The following RUNDC3B variants were observed in gnomAD, a reference collection of about 807,000 sequenced individuals.
The protein encoded by RUNDC3B is RUN domain containing 3B, also known as RUN domain-containing protein 3B.
In RUNDC3B, 33 loss-of-function variants were observed where a neutral mutation model predicts 58.4. That is an observed-to-expected ratio of 0.56 (90% CI 0.43 to 0.75). The LOEUF is 0.75. Ranked by LOEUF, RUNDC3B falls within the 30% of genes least tolerant of loss-of-function variation. RUNDC3B has a pLI of 0.00. For synonymous variants in RUNDC3B, 193 were observed against 195.2 expected (o/e 0.99, Z 0.10); for missense variants, 501 against 535.7 (o/e 0.94, Z 0.64).
intron 8 of RUNDC3B, among the ~76,000 whole-genome samples, chr7:87,791,511 G>T (rs572919213): frequency 6.6e-6 from 1 of 152,046 alleles, no homozygotes; most frequent in South Asian, 2.1e-4. Context: ...ATAACTACAA[G>T]AATTTTTCAA....
At chr7:87,757,168 T>A (rs1358961365) in intron 6 of RUNDC3B, among the ~76,000 whole-genome samples, 1 of 152,138 alleles carries the variant, frequency 6.6e-6, no homozygotes, top group Non-Finnish European at 1.5e-5. Context: ...TCCTGAGACA[T>A]AGTTACTGTA....
At chr7:87,669,431 T>C (rs753720808) in intron 2 of RUNDC3B, among the ~76,000 whole-genome samples, 3 of 152,192 alleles carry the variant, frequency 2.0e-5, no homozygotes, top group Non-Finnish European at 4.4e-5. Flanking sequence ...TTTATCCAGC[T>C]TCTCACTGTG....
At chr7:87,808,876 T>C (rs930334245) in intron 9 of RUNDC3B, among the ~76,000 whole-genome samples, 4 of 152,146 alleles carry the variant, frequency 2.6e-5, no homozygotes, top group African/African-American at 9.6e-5. Context: ...CTTATCTATA[T>C]ATGACACATA....
At chr7:87,801,401 A>G (rs187529941) in intron 8 of RUNDC3B, among the ~76,000 whole-genome samples, 277 of 152,306 alleles carry the variant, frequency 1.8e-3, no homozygotes, top group African/African-American at 6.5e-3. Context: ...TTTTTCTGGG[A>G]AAACTGAAAT....
chr7:87,812,918 T>G (rs1190228795), intron 9 of RUNDC3B, among the ~76,000 whole-genome samples: 1 of 152,208 alleles, frequency 6.6e-6, no homozygotes, highest in East Asian at 1.9e-4. Context: ...GACTACAAAA[T>G]GTTTGTCAGA....
chr7:87,769,750 A>G (rs946601511), intron 6 of RUNDC3B, among the ~76,000 whole-genome samples: 1 of 151,980 alleles, frequency 6.6e-6, no homozygotes, highest in African/African-American at 2.4e-5. Flanking sequence ...CCCATTATCT[A>G]GGTTTTAAGC....
intron 2 of RUNDC3B, among the ~76,000 whole-genome samples, chr7:87,668,982 G>A (rs2130504240): frequency 6.6e-6 from 1 of 152,082 alleles, no homozygotes; most frequent in African/African-American, 2.4e-5. Context: ...CTATAGAGGT[G>A]TATCCGAGCC....
chr7:87,823,102 C>A (rs1324784473), intron 10 of RUNDC3B, among the ~76,000 whole-genome samples: 1 of 152,026 alleles, frequency 6.6e-6, no homozygotes, highest in South Asian at 2.1e-4. Context: ...CTAAACTACT[C>A]TGCCTTTCTT....
intron 4 of RUNDC3B, among the ~76,000 whole-genome samples, chr7:87,721,921 G>A (rs972559454): frequency 2.0e-5 from 3 of 151,578 alleles, no homozygotes; most frequent in Admixed American, 2.0e-4. Context: ...TATTATTTCT[G>A]TAAAATGTTA....
intron 4 of RUNDC3B, among the ~76,000 whole-genome samples, chr7:87,736,595 T>C (rs1831946918): frequency 6.6e-6 from 1 of 151,472 alleles, no homozygotes; most frequent in Admixed American, 6.6e-5. Flanking sequence ...CAGATCACAG[T>C]AGTATCAAAT....
chr7:87,814,164 G>C (rs753249274), intron 9 of RUNDC3B, among the ~76,000 whole-genome samples: 49 of 147,954 alleles, frequency 3.3e-4, no homozygotes, highest in Admixed American at 6.8e-4. Flanking sequence ...GCAGTGGCAC[G>C]ATCTTGGCTC....
intron 6 of RUNDC3B, among the ~76,000 whole-genome samples, chr7:87,760,146 C>T (rs994223279): frequency 2.7e-5 from 4 of 150,196 alleles, no homozygotes; most frequent in African/African-American, 9.8e-5. Flanking sequence ...ATAACTATAA[C>T]TACAATGCCC....
intron 6 of RUNDC3B, among the ~76,000 whole-genome samples, chr7:87,745,387 G>T (rs572642640): frequency 1.3e-5 from 2 of 152,234 alleles, no homozygotes; most frequent in East Asian, 1.9e-4. Context: ...ATGTCAAAAG[G>T]ATTGGTACCA....
chr7:87,785,253 C>T (rs897767172), intron 8 of RUNDC3B, among the ~76,000 whole-genome samples: 3 of 151,986 alleles, frequency 2.0e-5, no homozygotes, highest in African/African-American at 4.8e-5. Context: ...CCATGGGGCT[C>T]CCTCAAGCAG....
chr7:87,747,358 C>T (rs763886442), intron 6 of RUNDC3B, among the ~76,000 whole-genome samples: 7 of 152,084 alleles, frequency 4.6e-5, no homozygotes, highest in South Asian at 2.1e-4. Context: ...TGGATACCAG[C>T]GCCTGTTCTG....
intron 2 of RUNDC3B, among the ~76,000 whole-genome samples, chr7:87,699,733 A>G (rs1828851016): frequency 6.6e-6 from 1 of 152,210 alleles, no homozygotes; most frequent in Non-Finnish European, 1.5e-5. Flanking sequence ...AATATAACCT[A>G]TGCACAATAG....
At chr7:87,638,335 A>G (rs1372857858) in intron 1 of RUNDC3B, among the ~76,000 whole-genome samples, 1 of 130,258 alleles carries the variant, frequency 7.7e-6, no homozygotes, top group African/African-American at 3.2e-5. Flanking sequence ...ACAAGTTAGG[A>G]AGTATGTGTT....
At chr7:87,727,038 G>A (rs1192980974) in intron 4 of RUNDC3B, among the ~76,000 whole-genome samples, 1 of 152,158 alleles carries the variant, frequency 6.6e-6, no homozygotes, top group Non-Finnish European at 1.5e-5. Flanking sequence ...TGCAAACAGG[G>A]ACAATTTGAT....
intron 2 of RUNDC3B, among the ~76,000 whole-genome samples, chr7:87,657,528 G>A (rs2130425283): frequency 6.6e-6 from 1 of 152,296 alleles, no homozygotes; most frequent in South Asian, 2.1e-4. Flanking sequence ...GAGAAGGCCA[G>A]AGAGATAAGA....
Sources: gnomAD v4.1 joint callset for allele counts (sites outside exome capture counted in the v4.1 genomes callset) on GRCh38, gnomAD v4.1.1 for gene constraint, MANE v1.5 for transcripts, NCBI Gene and HGNC (gene_info 2026-07-23, HGNC 2026-07-21) for gene names.